AACS: variants seen among roughly 807,000 people sequenced by gnomAD.
The protein encoded by AACS is acetoacetate-CoA ligase.
In AACS, 69 loss-of-function variants were observed where a neutral mutation model predicts 83.1. The ratio of observed to expected loss-of-function variants is 0.83; its 90% confidence interval spans 0.68 to 1.01. AACS has a LOEUF of 1.01. AACS is among the 50% of genes least tolerant of loss of function. The pLI is 0.00. For missense variants in AACS, 866 were observed against 882.2 expected (o/e 0.98, Z 0.23); for synonymous variants, 333 against 343.4 (o/e 0.97, Z 0.33).
Position 125,129,974 on chromosome 12 carries a change from CGTCTTTTG to C in AACS, c.1549+515_1549+522del, listed in dbSNP as rs1957306505. On this transcript the variant is annotated intron_variant, in intron 14 of 17. Coordinates refer to ENST00000316519, the MANE Select transcript of AACS (RefSeq NM_023928.5). This position sits in a 1 kb window ranked among gnomAD's most constrained non-coding sequence, Gnocchi z 4.3. ...CACATAGACTGACACCCTTGGGTGT[CGTCTTTTG>C]AGTGGTGCCTTGCCCCAAAGCAGGG... Among the ~76,000 whole-genome samples, 1 of 152,146 alleles carries C rather than the reference CGTCTTTTG, an allele frequency of 6.6e-6. No homozygotes were observed. Among genetic ancestry groups the C allele is most frequent in the East Asian group, 1.9e-4 (1 of 5,180 alleles).
At chr12:125,068,058 G>A (rs754275061) in intron 1 of AACS, among the ~76,000 whole-genome samples, 2 of 152,212 alleles carry the variant, frequency 1.3e-5, no homozygotes, top group South Asian at 2.1e-4. Context: ...GGGAGGGCCC[G>A]AGCATGGCTG....
chr12:125,131,860 G>C (rs186534938), intron 14 of AACS, among the ~76,000 whole-genome samples: 13 of 152,216 alleles, frequency 8.5e-5, no homozygotes, highest in African/African-American at 2.9e-4. Context: ...GCCTCCCAAA[G>C]TGCTGGGATT....
At position 125,097,162 on chromosome 12, in the gene AACS, G is replaced by T. The variant is rs1224140915; in HGVS notation, c.571-5517G>T. ...CACCTGCCTGCAGACTCGGCCTGTT[G>T]CTGCTGGACTCCTGGGGGGCACCAT... On this transcript the variant is annotated intron_variant, in intron 5 of 17. Coordinates refer to ENST00000316519, the MANE Select transcript of AACS (RefSeq NM_023928.5). This position sits in a 1 kb window ranked among gnomAD's most constrained non-coding sequence, Gnocchi z 4.3. Among the ~76,000 whole-genome samples, 2 of 152,140 alleles carry T rather than the reference G, an allele frequency of 1.3e-5. No individual in the cohort carries two copies. Among genetic ancestry groups the T allele is most frequent in the Non-Finnish European group, 2.9e-5 (2 of 68,020 alleles).
chr12:125,137,707 G>A (rs1957420132), intron 17 of AACS, among the ~76,000 whole-genome samples: 1 of 152,272 alleles, frequency 6.6e-6, no homozygotes, highest in South Asian at 2.1e-4. Context: ...CTTACAAAAC[G>A]GATACCCCGC....
chr12:125,091,554 C>T (rs1405349726), intron 5 of AACS, 31 bp downstream of exon 5: 1 of 1,608,922 alleles, frequency 6.2e-7, no homozygotes, highest in Non-Finnish European at 8.5e-7. Context: ...GAGGGGGCAC[C>T]CCTTGCCCTG....
rs769131280 is a variant in AACS at position 125,129,304 on chromosome 12, G to T, written c.1424-31G>T. ...GCCAGGGTGTGTGGCTGTGGTGTGT[G>T]TTGGGCTTATTTTTAATTCTCCCAT... On this transcript the variant is annotated intron_variant, in intron 13 of 17. Coordinates refer to ENST00000316519, the MANE Select transcript of AACS (RefSeq NM_023928.5). This position sits in a 1 kb window ranked among gnomAD's most constrained non-coding sequence, Gnocchi z 4.3. The T allele has an allele frequency of 6.2e-7, 1 of 1,602,738 alleles. No individual in the cohort carries two copies. Among genetic ancestry groups the T allele is most frequent in the South Asian group, 1.1e-5 (1 of 89,426 alleles).
intron 7 of AACS, among the ~76,000 whole-genome samples, chr12:125,106,338 T>C (rs1203959520): frequency 1.3e-5 from 2 of 152,234 alleles, no homozygotes; most frequent in African/African-American, 4.8e-5. Flanking sequence ...CCTGTTTGTG[T>C]CGCCCCTTTG....
chr12:125,080,168 A>C (rs1956135494), intron 3 of AACS, among the ~76,000 whole-genome samples: 1 of 152,206 alleles, frequency 6.6e-6, no homozygotes, highest in East Asian at 1.9e-4. Context: ...GTGCCAACCC[A>C]GTCGCCTCTT....
At chr12:125,078,066 T>C (rs1956074723) in intron 3 of AACS, 1 of 446,468 alleles carries the variant, frequency 2.2e-6, no homozygotes, top group Admixed American at 2.5e-5. Flanking sequence ...TGGTATAAAA[T>C]ACTCATCAGA....
Position 125,136,273 on chromosome 12 carries a change from C to T in AACS, c.1679-389C>T, listed in dbSNP as rs148433724. Reference sequence around the variant, plus strand: ...CTATGTTGTCCAGGCTGGTCTCAATCTCCTGGACTTAAGTGATCCTCTCAC... The same window carrying T: ...CTATGTTGTCCAGGCTGGTCTCAATTTCCTGGACTTAAGTGATCCTCTCAC... On this transcript the variant is annotated intron_variant, in intron 16 of 17. Transcript: ENST00000316519. 1.3e-3 allele frequency: 284 copies of T among 217,620 alleles called. 2 individuals are homozygous for T. The highest frequency in any genetic ancestry group is 2.2e-3 in the Admixed American group (42 of 19,070). 13.5% of individuals were successfully genotyped at this position (217,620 alleles called of 1,614,324 possible). A position where few individuals can be genotyped will look rare whatever the true frequency, so the allele number is the denominator to read the frequency against.
At chr12:125,119,398 G>A (rs1957114948) in intron 10 of AACS, among the ~76,000 whole-genome samples, 1 of 152,200 alleles carries the variant, frequency 6.6e-6, no homozygotes, top group African/African-American at 2.4e-5. Context: ...TCAGGAGTGA[G>A]ATTGTATTCA....
rs184435675 is a variant in AACS at position 125,135,881 on chromosome 12, G to A, written c.1679-781G>A. On this transcript the variant is annotated intron_variant, in intron 16 of 17. Coordinates refer to ENST00000316519, the MANE Select transcript of AACS (RefSeq NM_023928.5). ...TCACCTCAGCCTCCTGAGTAGCTGG[G>A]TCTACAGGCGTGCACCACCATGCCC... 135 of 152,608 alleles carry A rather than the reference G, an allele frequency of 8.8e-4. 1 individual carries two copies. The highest frequency in any genetic ancestry group is 2.7e-3 in the Admixed American group (41 of 15,288). The allele number at this position is 152,608 out of a possible 1,614,324, so 9.5% of individuals were successfully genotyped here.
At position 125,136,541 on chromosome 12, in the gene AACS, G is replaced by A. The variant is rs993606026; in HGVS notation, c.1679-121G>A. ...CTCCTGGGTGGACTGGGAGAACACAGGCACCGCTGGAAGGCTTGGGGGACC... is the reference window on the plus strand; with the variant it reads ...CTCCTGGGTGGACTGGGAGAACACAAGCACCGCTGGAAGGCTTGGGGGACC... On this transcript the variant is annotated intron_variant, in intron 16 of 17. Transcript: ENST00000316519. 4.5e-5 allele frequency: 32 copies of A among 715,790 alleles called. No individual in the cohort carries two copies. The African/African-American group carries it at 5.3e-4, about 12-fold the overall frequency. The allele number at this position is 715,790 out of a possible 1,614,324, so 44.3% of individuals were successfully genotyped here.
intron 12 of AACS, among the ~76,000 whole-genome samples, chr12:125,125,264 C>G (rs539476234): frequency 6.6e-6 from 1 of 152,330 alleles, no homozygotes; most frequent in East Asian, 1.9e-4. Flanking sequence ...CCTCTCACAT[C>G]GATTATAGTC....
At position 125,091,486 on chromosome 12, in the gene AACS, C is replaced by T. The variant is rs1956484841; in HGVS notation, c.533C>T (p.Ala178Val). Residue 178 changes from alanine (A) to valine (V), a missense_variant, in exon 5 of 18, where the codon GCC becomes GTC. Physicochemically the swap from Ala to Val is moderately conservative, Grantham distance 64. Coordinates refer to ENST00000316519, the MANE Select transcript of AACS (RefSeq NM_023928.5). ...EAMLAAASIG[A>V]IWSSTSPDFG... ...ATGCTGGCTGCGGCAAGCATTGGTG[C>T]CATCTGGAGCTCCACGTCCCCGGAC... 4 of 1,614,226 alleles carry T rather than the reference C, an allele frequency of 2.5e-6. No homozygotes were observed. The African/African-American group carries it at 5.3e-5, about 22-fold the overall frequency.
intron 10 of AACS, chr12:125,121,622 G>C (rs1957153690): frequency 6.6e-6 from 1 of 152,232 alleles, no homozygotes; most frequent in Non-Finnish European, 1.5e-5. Context: ...CTAGTGAGGG[G>C]ACTATTCTGG....
chr12:125,102,961 G>A (rs779221049), intron 6 of AACS, 39 bp from the exon 7 acceptor site: 5 of 1,549,180 alleles, frequency 3.2e-6, no homozygotes, highest in Non-Finnish European at 3.5e-6. Flanking sequence ...AAGCATCTTT[G>A]TCCTGTAACC....
chr12:125,109,492 T>C (rs1956905036), intron 8 of AACS, among the ~76,000 whole-genome samples: 1 of 152,234 alleles, frequency 6.6e-6, no homozygotes, highest in East Asian at 1.9e-4. Context: ...CATGTTGTTA[T>C]TTTGCTTTTT....
intron 7 of AACS, among the ~76,000 whole-genome samples, chr12:125,103,309 A>G (rs1956757392): frequency 6.6e-6 from 1 of 152,040 alleles, no homozygotes; most frequent in African/African-American, 2.4e-5. Context: ...AGGCACCCTC[A>G]CTCTTCCAAT....
Sources: gnomAD v4.1 joint callset for allele counts (sites outside exome capture counted in the v4.1 genomes callset) on GRCh38, gnomAD v4.1.1 for gene constraint, Gnocchi (gnomAD v3.1) non-coding constraint, MANE v1.5 for transcripts, NCBI Gene and HGNC (gene_info 2026-07-23, HGNC 2026-07-21) for gene names.